Variants in WDR93 observed in about 807,000 individuals in gnomAD.
WDR93 encodes the protein WD repeat domain 93.
A neutral mutation model predicts 82.9 loss-of-function variants in WDR93; 73 were observed. The observed-to-expected ratio is 0.88, with a 90% CI of 0.73 to 1.07. The LOEUF is 1.07. Among genes scored for constraint, WDR93 ranks in the 50% least tolerant of loss-of-function variants. The pLI is 0.00. For synonymous variants in WDR93, 283 were observed against 300.1 expected (o/e 0.94, Z 0.59); for missense variants, 738 against 826.0 (o/e 0.89, Z 1.31).
chr15:89,720,499 C>T lies in WDR93; in HGVS notation c.796-1556C>T, dbSNP rs370991075. Among the ~76,000 whole-genome samples, 40 of 152,246 alleles carry T rather than the reference C, an allele frequency of 2.6e-4. 1 individual carries two copies. Among genetic ancestry groups the T allele is most frequent in the Middle Eastern group, 3.4e-3 (1 of 294 alleles). ...TATTGGTCAGGCTGGTCTTGAACTC[C>T]TGACCTCGTGATTCGCCCGCCTCGA... On this transcript the variant is annotated intron_variant, in intron 7 of 16. Coordinates refer to ENST00000268130, the MANE Select transcript of WDR93 (RefSeq NM_020212.2).
chr15:89,728,077 C>CA (rs1193479407), intron 9 of WDR93, among the ~76,000 whole-genome samples: 2 of 151,466 alleles, frequency 1.3e-5, no homozygotes, highest in African/African-American at 4.9e-5. Context: ...GACTCTGTCT[C>CA]AAAAAATAAT....
chr15:89,716,736 C>G (rs552697938), intron 6 of WDR93, among the ~76,000 whole-genome samples, 175 bp from the exon 7 acceptor site: 4 of 152,130 alleles, frequency 2.6e-5, no homozygotes, highest in Non-Finnish European at 5.9e-5. Flanking sequence ...AAATAGGGAT[C>G]GTGTGTTGAA....
chr15:89,715,943 A>G (rs1966230714), intron 6 of WDR93, among the ~76,000 whole-genome samples: 1 of 152,220 alleles, frequency 6.6e-6, no homozygotes, highest in South Asian at 2.1e-4. Context: ...TTGCTTATTT[A>G]TACAGTGTAT....
chr15:89,703,171 T>G (rs1255877442), intron 3 of WDR93, 29 bp downstream of exon 3: 1 of 1,612,334 alleles, frequency 6.2e-7, no homozygotes, highest in East Asian at 2.2e-5. Context: ...CTTTTTAGCC[T>G]CATTTACAGG....
At chr15:89,715,743 C>T (rs1966219346) in intron 6 of WDR93, among the ~76,000 whole-genome samples, 1 of 152,098 alleles carries the variant, frequency 6.6e-6, no homozygotes. Context: ...GCTGCCATGC[C>T]AGGCTAATTT....
rs200126558 is a variant in WDR93, at chr15:89,735,515, A to G, written c.1570A>G (p.Ile524Val). Residue 524 changes from isoleucine to valine, a missense_variant, in exon 14 of 17, where the codon ATC becomes GTC. By Grantham distance (29) the Ile-to-Val change is conservative. Coordinates refer to ENST00000268130, the MANE Select transcript of WDR93 (RefSeq NM_020212.2). ...ERPVKHLDKTICAVAPVPALP... is the reference protein window; with the variant it reads ...ERPVKHLDKTVCAVAPVPALP... ...GCCTGTAAAGCACCTGGATAAAACC[A>G]TCTGTGCCGTGGCCCCAGTCCCAGC... The G allele has an allele frequency of 1.9e-6, 3 of 1,614,134 alleles. No homozygotes were observed. The highest frequency in any genetic ancestry group is 2.5e-6 in the Non-Finnish European group (3 of 1,180,006).
intron 11 of WDR93, among the ~76,000 whole-genome samples, chr15:89,730,002 CA>C (rs1596113024): frequency 6.6e-6 from 1 of 152,162 alleles, no homozygotes; most frequent in East Asian, 1.9e-4. Flanking sequence ...GTCAGGTCCA[CA>C]GGGCTCCTTA....
At chr15:89,720,712 T>A (rs1966490677) in intron 7 of WDR93, among the ~76,000 whole-genome samples, 1 of 152,230 alleles carries the variant, frequency 6.6e-6, no homozygotes, top group Non-Finnish European at 1.5e-5. Context: ...TATATTTGAA[T>A]CATTTTAAGT....
chr15:89,709,357 T>A (rs1394967443), intron 4 of WDR93, among the ~76,000 whole-genome samples: 1 of 152,092 alleles, frequency 6.6e-6, no homozygotes, highest in Non-Finnish European at 1.5e-5. Flanking sequence ...GTTAACCAGA[T>A]AACTAGAACT....
rs1240912258 is a variant in WDR93 at position 89,729,737 on chromosome 15, AT to A, written c.1180del (p.Ser394HisfsTer2). 1.2e-6 allele frequency: 2 copies of A among 1,613,452 alleles called. No individual in the cohort carries two copies. The highest frequency in any genetic ancestry group is 1.7e-6 in the Non-Finnish European group (2 of 1,179,886). On this transcript the variant is annotated frameshift_variant, in exon 11 of 17. Coordinates refer to ENST00000268130, the MANE Select transcript of WDR93 (RefSeq NM_020212.2). LOFTEE classifies it high-confidence loss of function. The part of the protein sequence containing the change: ...HWTRSHNFFL[Y>X]SLNRTLKDKA... ...ACCAGAAGTCACAATTTCTTCCTGT[AT>A]TCACTAAACCGAACTCTAAAGGATA... is the stretch of plus-strand genomic sequence containing the variant.
At chr15:89,700,564 T>G (rs1422695417) in intron 1 of WDR93, among the ~76,000 whole-genome samples, 4 of 23,532 alleles carry the variant, frequency 1.7e-4, no homozygotes, top group Admixed American at 1.2e-3. Flanking sequence ...TGAGGGTTTT[T>G]TTTTTTTTTT....
At chr15:89,736,955 C>T (rs942450385) in intron 14 of WDR93, among the ~76,000 whole-genome samples, 1 of 152,132 alleles carries the variant, frequency 6.6e-6, no homozygotes, top group Non-Finnish European at 1.5e-5. Flanking sequence ...GCACGCCAGG[C>T]TAATTTTTTG....
intron 8 of WDR93, among the ~76,000 whole-genome samples, 183 bp from the exon 9 acceptor site, chr15:89,726,974 C>G (rs1966761331): frequency 6.6e-6 from 1 of 152,130 alleles, no homozygotes; most frequent in Non-Finnish European, 1.5e-5. Context: ...TGCCTGGGCT[C>G]TGTGAGCTGG....
At chr15:89,738,387 G>C (rs1227385722) in intron 16 of WDR93, 151 bp downstream of exon 16, 1 of 916,716 alleles carries the variant, frequency 1.1e-6, no homozygotes, top group Non-Finnish European at 1.6e-6. Context: ...AGCACTTTGG[G>C]AGTCCGAGGC....
In WDR93 at chr15:89,695,313, A is replaced by G. The variant is rs146781271; in HGVS notation, c.-41+4456A>G. ...AGGTCTTCTTTAATTTCTGTCAGCA[A>G]TATTTTATAGTTTTCAGTATGTGGG... is the stretch of plus-strand genomic sequence containing the variant. On this transcript the variant is annotated intron_variant, in intron 1 of 16. Coordinates refer to ENST00000268130, the MANE Select transcript of WDR93 (RefSeq NM_020212.2). Among the ~76,000 whole-genome samples the G allele has an allele frequency of 5.4e-3, 827 of 152,236 alleles. 8 individuals are homozygous for G. The highest frequency in any genetic ancestry group is 0.019 in the African/African-American group (778 of 41,542).
intron 5 of WDR93, among the ~76,000 whole-genome samples, chr15:89,713,869 G>C (rs149388339): frequency 6.6e-6 from 1 of 152,134 alleles, no homozygotes; most frequent in Non-Finnish European, 1.5e-5. Flanking sequence ...ACCACAAACT[G>C]GGCAGCTTAA....
intron 4 of WDR93, among the ~76,000 whole-genome samples, chr15:89,710,358 T>TA (rs1466363264): frequency 1.3e-5 from 2 of 152,142 alleles, no homozygotes; most frequent in Non-Finnish European, 2.9e-5. Flanking sequence ...ATTATGAAAT[T>TA]ATATGAAACT....
chr15:89,711,622 C>G (rs1965983965), intron 4 of WDR93, among the ~76,000 whole-genome samples: 1 of 151,910 alleles, frequency 6.6e-6, no homozygotes, highest in African/African-American at 2.4e-5. Flanking sequence ...TACATTCAGT[C>G]TCTACCATAG....
At chr15:89,722,513 A>T (rs1966566535) in intron 8 of WDR93, among the ~76,000 whole-genome samples, 1 of 152,186 alleles carries the variant, frequency 6.6e-6, no homozygotes, top group Non-Finnish European at 1.5e-5. Flanking sequence ...CCCATAATGC[A>T]CCAAGCACAA....
Sources: gnomAD v4.1 joint callset for allele counts (sites outside exome capture counted in the v4.1 genomes callset) on GRCh38, gnomAD v4.1.1 for gene constraint, MANE v1.5 for transcripts, NCBI Gene and HGNC (gene_info 2026-07-23, HGNC 2026-07-21) for gene names.